The following KCNK9 variants were observed in gnomAD, a reference collection of about 807,000 sequenced individuals.
The protein encoded by KCNK9 is potassium channel subfamily K member 9.
Under a neutral mutation model 10.8 loss-of-function variants are expected in KCNK9, and 1 was observed. The observed-to-expected ratio is 0.09, with a 90% CI of 0.03 to 0.44. The LOEUF (loss-of-function observed/expected upper bound fraction) is 0.44. Among genes scored for constraint, KCNK9 ranks in the 20% least tolerant of loss-of-function variants. The pLI, the probability that KCNK9 is intolerant of heterozygous loss-of-function variation, is 0.97. For synonymous variants in KCNK9, 231 were observed against 222.7 expected (o/e 1.04, Z -0.33); for missense variants, 303 against 515.0 (o/e 0.59, Z 3.98).
Position 139,638,630 on chromosome 8 carries a change from C to A in KCNK9, c.284-19531G>T, listed in dbSNP as rs539415149. The stretch of plus-strand genomic sequence containing the variant: ...TGACTTTCCCTGAGCCAAGTGCCAG[C>A]TGCTTTGTCTGGGGATAGTCCCTAC... On this transcript the variant is annotated intron_variant, in intron 1 of 1. Transcript: ENST00000520439. Among the ~76,000 whole-genome samples, 10 of 152,338 alleles carry A rather than the reference C, an allele frequency of 6.6e-5. No individual in the cohort carries two copies. The South Asian group carries it at 2.1e-3, about 32-fold the overall frequency.
chr8:139,664,233 T>C (rs1586674908), intron 1 of KCNK9, among the ~76,000 whole-genome samples: 1 of 152,332 alleles, frequency 6.6e-6, no homozygotes, highest in East Asian at 1.9e-4. Context: ...ACCTGCAAGA[T>C]GGGTATGTTG....
chr8:139,633,401 C>T (rs1259642611), intron 1 of KCNK9, among the ~76,000 whole-genome samples: 4 of 152,102 alleles, frequency 2.6e-5, no homozygotes, highest in East Asian at 1.9e-4. Flanking sequence ...GTTGGCCAAA[C>T]GATGGCAATC....
chr8:139,688,521 A>G (rs1009801751), intron 1 of KCNK9, among the ~76,000 whole-genome samples: 1 of 152,184 alleles, frequency 6.6e-6, no homozygotes, highest in Non-Finnish European at 1.5e-5. Context: ...GACTGCCCAC[A>G]TGATCCGATC....
intron 1 of KCNK9, among the ~76,000 whole-genome samples, chr8:139,665,166 T>A (rs766957525): frequency 6.6e-6 from 1 of 152,202 alleles, no homozygotes; most frequent in African/African-American, 2.4e-5. Context: ...ATGGGCCTCA[T>A]GAAGCTAAAA....
intron 1 of KCNK9, among the ~76,000 whole-genome samples, chr8:139,663,580 G>C (rs28576083): frequency 0.24 from 35,617 of 151,476 alleles, 4,383 homozygotes; most frequent in South Asian, 0.32. Context: ...ACTCTGCAGA[G>C]AGACCACAGA....
chr8:139,671,156 C>T (rs1816417561), intron 1 of KCNK9, among the ~76,000 whole-genome samples: 1 of 152,234 alleles, frequency 6.6e-6, no homozygotes, highest in African/African-American at 2.4e-5. Context: ...TGTCACTGGC[C>T]CTTCTGCTCC....
At chr8:139,609,419 G>A (rs1279479027), downstream of KCNK9, among the ~76,000 whole-genome samples, 1 of 152,350 alleles carries the variant, frequency 6.6e-6, no homozygotes, top group East Asian at 1.9e-4. Flanking sequence ...GGGGGTAGGG[G>A]GACATATTCT....
chr8:139,633,087 C>T (rs776300865), intron 1 of KCNK9, among the ~76,000 whole-genome samples: 31 of 152,204 alleles, frequency 2.0e-4, no homozygotes, highest in Non-Finnish European at 4.1e-4. Context: ...TGCCGTGTGA[C>T]GCTGACAGGC....
At chr8:139,615,362 G>C (rs1298278309), downstream of KCNK9, among the ~76,000 whole-genome samples, 1 of 152,150 alleles carries the variant, frequency 6.6e-6, no homozygotes, top group Non-Finnish European at 1.5e-5. Context: ...CTGATTGAGT[G>C]GTAGGAGTTG....
chr8:139,603,943 G>A (rs1586617437), intron 2 of KCNK9, among the ~76,000 whole-genome samples: 1 of 152,194 alleles, frequency 6.6e-6, no homozygotes, highest in Non-Finnish European at 1.5e-5. Flanking sequence ...TGGACCCCAG[G>A]ATGCAGTTTA....
At chr8:139,645,622 C>T (rs1815652380) in intron 1 of KCNK9, among the ~76,000 whole-genome samples, 1 of 152,058 alleles carries the variant, frequency 6.6e-6, no homozygotes, top group East Asian at 1.9e-4. Flanking sequence ...AGTCCCCTCC[C>T]TCCTGCCCAT....
chr8:139,669,744 T>C (rs1050376489), intron 1 of KCNK9, among the ~76,000 whole-genome samples: 1 of 152,260 alleles, frequency 6.6e-6, no homozygotes, highest in Non-Finnish European at 1.5e-5. Context: ...CAAATGTTTT[T>C]ACTGTCATAT....
chr8:139,636,287 G>A (rs903718744), intron 1 of KCNK9, among the ~76,000 whole-genome samples: 6 of 152,242 alleles, frequency 3.9e-5, no homozygotes, highest in Non-Finnish European at 8.8e-5. Context: ...CAGTTCTCAA[G>A]TGGTGACACT....
chr8:139,661,659 G>A (rs1229331674), intron 1 of KCNK9, among the ~76,000 whole-genome samples: 1 of 152,216 alleles, frequency 6.6e-6, no homozygotes, highest in Non-Finnish European at 1.5e-5. Flanking sequence ...AGGGAACTTT[G>A]AGTTTCAAAG....
chr8:139,602,484 G>T (rs2130069661), intron 2 of KCNK9, among the ~76,000 whole-genome samples: 1 of 152,330 alleles, frequency 6.6e-6, no homozygotes, highest in African/African-American at 2.4e-5. Flanking sequence ...GGTGGTGGGA[G>T]ACCTTATAGG....
downstream of KCNK9, among the ~76,000 whole-genome samples, chr8:139,611,122 A>G (rs1814410527): frequency 6.6e-6 from 1 of 152,228 alleles, no homozygotes; most frequent in South Asian, 2.1e-4. Flanking sequence ...CAATGCCCCC[A>G]GAGTAACTTC....
chr8:139,697,498 G>A (rs924592259), intron 1 of KCNK9, among the ~76,000 whole-genome samples: 1 of 152,058 alleles, frequency 6.6e-6, no homozygotes, highest in African/African-American at 2.4e-5. Context: ...TGGGTGGATG[G>A]ATGTGTGAAT....
At chr8:139,631,075 G>A (rs1815157097) in intron 1 of KCNK9, among the ~76,000 whole-genome samples, 1 of 152,234 alleles carries the variant, frequency 6.6e-6, no homozygotes, top group African/African-American at 2.4e-5. Context: ...GCGACTGCAG[G>A]GACACGGCCC....
At chr8:139,682,176 A>T (rs899812266) in intron 1 of KCNK9, among the ~76,000 whole-genome samples, 2 of 152,120 alleles carry the variant, frequency 1.3e-5, no homozygotes, top group South Asian at 4.1e-4. Flanking sequence ...TTTTTCAAGG[A>T]TTTGCTTTTC....
Sources: gnomAD v4.1 joint callset for allele counts (sites outside exome capture counted in the v4.1 genomes callset) on GRCh38, gnomAD v4.1.1 for gene constraint, MANE v1.5 for transcripts, NCBI Gene and HGNC (gene_info 2026-07-23, HGNC 2026-07-21) for gene names.